CRHR1: variants seen among roughly 807,000 people sequenced by gnomAD.
CRHR1 encodes the protein corticotropin releasing hormone receptor 1.
A neutral mutation model predicts 56.0 loss-of-function variants in CRHR1; 28 were observed. The ratio of observed to expected loss-of-function variants is 0.50; its 90% confidence interval spans 0.37 to 0.69. The LOEUF (loss-of-function observed/expected upper bound fraction) is 0.69, where lower values mean the gene tolerates loss of function less well. CRHR1 is among the 30% of genes least tolerant of loss of function. The pLI is 0.00. For missense variants in CRHR1, 376 were observed against 548.0 expected, an observed-to-expected ratio of 0.69 and a Z score of 3.13; for synonymous variants, 195 against 216.5, an observed-to-expected ratio of 0.90 and a Z score of 0.87.
intron 1 of CRHR1, among the ~76,000 whole-genome samples, chr17:45,805,197 T>C (rs1326024468): frequency 6.6e-6 from 1 of 152,224 alleles, no homozygotes; most frequent in Non-Finnish European, 1.5e-5. Context: ...CTATCTTTCC[T>C]TTAAAAAGTT....
At chr17:45,796,696 AG>A (rs1337797372) in intron 1 of CRHR1, among the ~76,000 whole-genome samples, 4 of 152,216 alleles carry the variant, frequency 2.6e-5, no homozygotes, top group Non-Finnish European at 5.9e-5. Flanking sequence ...GGGGTCGAGA[AG>A]GATTAAATGA....
rs1339526523 is a variant in CRHR1, at chr17:45,830,406, T to C, written c.556-11T>C. 3 of 1,598,566 alleles carry C rather than the reference T, an allele frequency of 1.9e-6. No homozygotes were observed. Among genetic ancestry groups the C allele is most frequent in the Non-Finnish European group, 2.6e-6 (3 of 1,171,078 alleles). On this transcript the variant is annotated splice_polypyrimidine_tract_variant and intron_variant, in intron 6 of 12. Transcript: ENST00000314537. Reference sequence around the variant, plus strand: ...CCCCATCATCATCTCTGGTTGGGGGTGGGGTGGCAGGGCTGGTGCAGGTTG... The same window carrying C: ...CCCCATCATCATCTCTGGTTGGGGGCGGGGTGGCAGGGCTGGTGCAGGTTG...
chr17:45,797,290 T>TG (rs2061537254), intron 1 of CRHR1, among the ~76,000 whole-genome samples: 2 of 138,116 alleles, frequency 1.4e-5, no homozygotes, highest in Non-Finnish European at 3.1e-5. Context: ...TTTCTTTTTT[T>TG]TTTTTTTTTT....
intron 12 of CRHR1, 142 bp downstream of exon 12, chr17:45,834,190 GC>G: frequency 1.9e-6 from 2 of 1,064,396 alleles, no homozygotes; most frequent in Non-Finnish European, 2.8e-6. Context: ...GCTGCTGGGA[GC>G]CCCAGGGTGG....
intron 1 of CRHR1, among the ~76,000 whole-genome samples, chr17:45,794,226 G>C (rs972064200): frequency 3.9e-5 from 6 of 152,224 alleles, no homozygotes; most frequent in African/African-American, 1.4e-4. Flanking sequence ...CCTGTTTGAC[G>C]AGATGAGTCT....
At chr17:45,829,049 G>T (rs2062230969) in intron 4 of CRHR1, 166 bp from the exon 5 acceptor site, 1 of 618,256 alleles carries the variant, frequency 1.6e-6, no homozygotes, top group African/African-American at 1.8e-5. Context: ...CCTCAAACTG[G>T]ACGGCGTTGC....
chr17:45,804,372 C>T (rs1329964363), intron 1 of CRHR1, among the ~76,000 whole-genome samples: 3 of 152,116 alleles, frequency 2.0e-5, no homozygotes, highest in Non-Finnish European at 4.4e-5. Context: ...CAGGCACTAC[C>T]GACTCGGGGG....
intron 12 of CRHR1, 43 bp downstream of exon 12, chr17:45,834,091 GC>G (rs765952365): frequency 1.2e-6 from 2 of 1,604,502 alleles, no homozygotes; most frequent in Non-Finnish European, 1.7e-6. Flanking sequence ...GGGCTGTGAG[GC>G]CTGTTGGGAC....
chr17:45,833,156 G>A lies in CRHR1; in HGVS notation c.789G>A (p.Arg263=), dbSNP rs1373891685. ...YDNEKCWFGK[R]PGVYTDYIYQ... ...CTTCTAGGTGCTGGTTTGGCAAAAG[G>A]CCTGGGGTGTACACCGACTACATCT... Residue 263 remains arginine (R), a synonymous_variant, in exon 9 of 13, where the codon AGG becomes AGA. Transcript: ENST00000314537. 1 of 1,614,092 alleles carries A rather than the reference G, an allele frequency of 6.2e-7. No homozygotes were observed. Among genetic ancestry groups the A allele is most frequent in the Non-Finnish European group, 8.5e-7 (1 of 1,179,998 alleles).
In CRHR1 at chr17:45,786,972, C is replaced by T. The variant is rs572775817; in HGVS notation, c.33+2395C>T. On this transcript the variant is annotated intron_variant, in intron 1 of 12. Transcript: ENST00000314537. ...AGAAAATATTCGAAGCCACCTAAAT[C>T]TCACTCTAGAGCTCAGCCAGATGAG... 2.6e-5 allele frequency among the ~76,000 whole-genome samples: 4 copies of T among 152,296 alleles called. No individual in the cohort carries two copies. The South Asian group carries it at 8.3e-4, about 32-fold the overall frequency.
rs1362476865 is a variant in CRHR1 at position 45,806,994 on chromosome 17, C to A, written c.34-16C>A. On this transcript the variant is annotated splice_polypyrimidine_tract_variant and intron_variant, in intron 1 of 12. Coordinates refer to ENST00000314537, the MANE Select transcript of CRHR1 (RefSeq NM_004382.5). ...TGGCACCTGCCTAATGTGTCCTTCG[C>A]CTCCTGTGCCTGCAGGCCCTTCTCC... is the stretch of plus-strand genomic sequence containing the variant. 2 of 1,612,052 alleles carry A rather than the reference C, an allele frequency of 1.2e-6. No homozygotes were observed. Among genetic ancestry groups the A allele is most frequent in the Admixed American group, 1.7e-5 (1 of 59,934 alleles).
chr17:45,828,997 A>G (rs957242462), intron 4 of CRHR1, among the ~76,000 whole-genome samples: 23 of 152,162 alleles, frequency 1.5e-4, no homozygotes, highest in African/African-American at 4.3e-4. Flanking sequence ...TCGACACAAC[A>G]CGGAGCAGTG....
Position 45,830,510 on chromosome 17 carries a change from A to G in CRHR1, c.649A>G (p.Ile217Val). The G allele has an allele frequency of 6.2e-7, 1 of 1,613,756 alleles. No homozygotes were observed. The highest frequency in any genetic ancestry group is 2.2e-5 in the East Asian group (1 of 44,874). ...CGAGGGCTGCTACCTGCACACAGCC[A>G]TCGTGCTCACCTACTCCACTGACCG... The part of the protein sequence containing the change: ...FGEGCYLHTA[I>V]VLTYSTDRLR... Residue 217 changes from isoleucine to valine, a missense_variant, in exon 7 of 13, where the codon ATC (isoleucine) becomes GTC (valine). Around this residue, in one of 2 missense-constraint regions of CRHR1, gnomAD observed 369 missense variants for 519.5 expected, o/e 0.71. Transcript: ENST00000314537.
In CRHR1 at chr17:45,818,741, T is replaced by G. The variant is rs2143091101; in HGVS notation, c.241+2159T>G. Among the ~76,000 whole-genome samples the G allele has an allele frequency of 2.6e-5, 4 of 152,296 alleles. No individual in the cohort carries two copies. In the East Asian group the frequency reaches 7.7e-4, roughly 29 times the overall value. On this transcript the variant is annotated intron_variant, in intron 3 of 12. Coordinates refer to ENST00000314537, the MANE Select transcript of CRHR1 (RefSeq NM_004382.5). ...GGTACCCAGAGCTGCACCTCATCAT[T>G]AAGCACTAATTAATCCATTTACTGA...
chr17:45,793,147 C>T (rs753860674), intron 1 of CRHR1, among the ~76,000 whole-genome samples: 7 of 152,214 alleles, frequency 4.6e-5, no homozygotes, highest in African/African-American at 9.6e-5. Context: ...GGATTTGTGA[C>T]TCAACGGCTT....
chr17:45,825,280 C>T (rs962946064), intron 4 of CRHR1, among the ~76,000 whole-genome samples: 8 of 152,188 alleles, frequency 5.3e-5, no homozygotes, highest in African/African-American at 1.7e-4. Flanking sequence ...GGGACAGGCC[C>T]CCAACTGTTG....
chr17:45,817,030 G>A lies in CRHR1; in HGVS notation c.241+448G>A, dbSNP rs536968084. ...GTCGAGAGGTTCTGAGGCCTACCCC[G>A]GGCCCTCCAGCCAGGAGGCAGGGGA... On this transcript the variant is annotated intron_variant, in intron 3 of 12. Transcript: ENST00000314537. Among the ~76,000 whole-genome samples the A allele has an allele frequency of 3.3e-5, 5 of 152,282 alleles. 1 individual carries two copies. In the South Asian group the frequency reaches 1.0e-3, roughly 32 times the overall value.
intron 2 of CRHR1, among the ~76,000 whole-genome samples, chr17:45,814,078 G>A (rs894747828): frequency 6.6e-6 from 1 of 152,258 alleles, no homozygotes; most frequent in Non-Finnish European, 1.5e-5. Context: ...AAAGCAAGGC[G>A]CAAGAAGACT....
At chr17:45,824,548 G>A (rs2062116644) in intron 4 of CRHR1, among the ~76,000 whole-genome samples, 1 of 152,158 alleles carries the variant, frequency 6.6e-6, no homozygotes, top group African/African-American at 2.4e-5. Context: ...GCCACCCTCA[G>A]CCTGCCCTGC....
Sources: gnomAD v4.1 joint callset for allele counts (sites outside exome capture counted in the v4.1 genomes callset) on GRCh38, gnomAD v4.1.1 for gene constraint, gnomAD v4.1.1 regional missense constraint, MANE v1.5 for transcripts, NCBI Gene and HGNC (gene_info 2026-07-23, HGNC 2026-07-21) for gene names.